KCTD1: variants seen among roughly 807,000 people sequenced by gnomAD.
KCTD1 encodes the protein BTB/POZ domain-containing protein KCTD1.
Under a neutral mutation model 66.0 loss-of-function variants are expected in KCTD1, and 24 were observed. That is an observed-to-expected ratio of 0.36 (90% confidence interval 0.26 to 0.51). The LOEUF (loss-of-function observed/expected upper bound fraction) is 0.51, where lower values mean the gene tolerates loss of function less well. KCTD1 is among the 20% of genes least tolerant of loss of function. KCTD1 has a pLI of 0.95. For missense variants in KCTD1, 943 were observed against 1,205.2 expected, an observed-to-expected ratio of 0.78 and a Z score of 3.22; for synonymous variants, 511 against 517.2, an observed-to-expected ratio of 0.99 and a Z score of 0.16.
At chr18:26,573,474 A>G (rs1240036330) in intron 1 of KCTD1, among the ~76,000 whole-genome samples, 2 of 152,244 alleles carry the variant, frequency 1.3e-5, no homozygotes, top group Non-Finnish European at 2.9e-5. Flanking sequence ...AGAGACAAAA[A>G]GGGCAAGTTG....
At chr18:26,509,696 C>G (rs1377424067) in intron 1 of KCTD1, among the ~76,000 whole-genome samples, 1 of 152,054 alleles carries the variant, frequency 6.6e-6, no homozygotes, top group Non-Finnish European at 1.5e-5. Context: ...CATCCCAAAA[C>G]AGTAAAGGAA....
rs553975546 is a variant in KCTD1 at position 26,555,896 on chromosome 18, T to C, written c.-15-54646A>G. The stretch of plus-strand genomic sequence containing the variant: ...TCGTATTTCAATATCTTCATGACAT[T>C]GAGAAAGTTTAAGGACCAGATTTTG... On this transcript the variant is annotated intron_variant, in intron 1 of 4. Transcript: ENST00000317932. Among the ~76,000 whole-genome samples the C allele has an allele frequency of 4.3e-4, 65 of 152,234 alleles. 1 individual carries two copies. The Middle Eastern group carries it at 0.014, about 32-fold the overall frequency.
chr18:26,511,190 T>C (rs1983310929), intron 1 of KCTD1, among the ~76,000 whole-genome samples: 1 of 152,226 alleles, frequency 6.6e-6, no homozygotes, highest in Admixed American at 6.5e-5. Context: ...AATACAAGAA[T>C]GGAACTAAAC....
intron 1 of KCTD1, among the ~76,000 whole-genome samples, chr18:26,557,081 CA>C (rs1334718383): frequency 1.3e-5 from 2 of 152,122 alleles, no homozygotes; most frequent in Non-Finnish European, 2.9e-5. Flanking sequence ...TCAATAAGCC[CA>C]AAATGGTCAA....
chr18:26,599,745 A>C (rs2144967014), intron 1 of KCTD1: 1 of 1,569,926 alleles, frequency 6.4e-7, no homozygotes, highest in Middle Eastern at 1.7e-4. Context: ...ACAGCATCTA[A>C]GCTGTGTTCA....
intron 1 of KCTD1, among the ~76,000 whole-genome samples, chr18:26,516,618 A>G (rs1983669819): frequency 6.6e-6 from 1 of 152,238 alleles, no homozygotes; most frequent in Admixed American, 6.5e-5. Flanking sequence ...ATCAGTTGAA[A>G]GCCTGCAGAT....
At chr18:26,504,176 C>T (rs12957766) in intron 1 of KCTD1, among the ~76,000 whole-genome samples, 53 of 152,052 alleles carry the variant, frequency 3.5e-4, no homozygotes, top group Non-Finnish European at 4.7e-4. Flanking sequence ...ATCAAGCGAT[C>T]CCCCCACCTC....
intron 3 of KCTD1, among the ~76,000 whole-genome samples, chr18:26,465,935 G>A (rs1980704919): frequency 6.6e-6 from 1 of 152,256 alleles, no homozygotes; most frequent in Admixed American, 6.5e-5. Context: ...CACGGATACA[G>A]CCTCGGTGGC....
chr18:26,554,543 A>G (rs1985660105), intron 1 of KCTD1, among the ~76,000 whole-genome samples: 3 of 152,220 alleles, frequency 2.0e-5, no homozygotes, highest in South Asian at 4.1e-4. Flanking sequence ...CACAAATTCA[A>G]CCAGACTAGA....
At chr18:26,558,041 T>A (rs1985749732) in intron 1 of KCTD1, among the ~76,000 whole-genome samples, 1 of 152,220 alleles carries the variant, frequency 6.6e-6, no homozygotes, top group South Asian at 2.1e-4. Context: ...TCCAGAGAGT[T>A]CTGGAGAGCT....
intron 1 of KCTD1, among the ~76,000 whole-genome samples, chr18:26,537,828 T>C (rs560836343): frequency 1.3e-5 from 2 of 152,348 alleles, no homozygotes; most frequent in East Asian, 3.9e-4. Context: ...TTTAATCTCT[T>C]TTGAAAAACT....
intron 1 of KCTD1, among the ~76,000 whole-genome samples, chr18:26,608,980 T>C (rs1484235525): frequency 6.6e-6 from 1 of 152,214 alleles, no homozygotes; most frequent in Non-Finnish European, 1.5e-5. Context: ...CTCAGTAAAT[T>C]ATGATGCTTG....
intron 1 of KCTD1, among the ~76,000 whole-genome samples, chr18:26,504,674 A>G (rs1450628481): frequency 6.6e-6 from 1 of 152,068 alleles, no homozygotes; most frequent in Non-Finnish European, 1.5e-5. Context: ...TACCTGATAT[A>G]TAAGAACTTT....
chr18:26,651,587 C>A (rs1988034611), intron 1 of KCTD1, among the ~76,000 whole-genome samples: 1 of 151,832 alleles, frequency 6.6e-6, no homozygotes, highest in African/African-American at 2.4e-5. Flanking sequence ...AGTTCGAGAC[C>A]AGCTTGGCCA....
chr18:26,656,589 C>T (rs2145091451), intron 1 of KCTD1, among the ~76,000 whole-genome samples: 1 of 150,592 alleles, frequency 6.6e-6, no homozygotes, highest in Non-Finnish European at 1.5e-5. Flanking sequence ...AGGGGAGCGG[C>T]GTGGTCCGGC....
intron 1 of KCTD1, among the ~76,000 whole-genome samples, chr18:26,541,322 G>A (rs1248788846): frequency 1.3e-5 from 2 of 152,158 alleles, no homozygotes; most frequent in African/African-American, 2.4e-5. Context: ...AGCACACTAC[G>A]TACATGCAGG....
chr18:26,556,754 T>A (rs1448794289), intron 1 of KCTD1, among the ~76,000 whole-genome samples: 1 of 152,176 alleles, frequency 6.6e-6, no homozygotes, highest in African/African-American at 2.4e-5. Flanking sequence ...AGAGCTTCAA[T>A]AACTTGCCCA....
chr18:26,534,579 A>G (rs1366285651), intron 1 of KCTD1, among the ~76,000 whole-genome samples: 1 of 152,186 alleles, frequency 6.6e-6, no homozygotes, highest in Non-Finnish European at 1.5e-5. Flanking sequence ...CTAACCTGTC[A>G]ATAATCTCTA....
At chr18:26,464,392 G>A (rs1446759748) in intron 3 of KCTD1, among the ~76,000 whole-genome samples, 1 of 152,090 alleles carries the variant, frequency 6.6e-6, no homozygotes, top group Non-Finnish European at 1.5e-5. Flanking sequence ...GATTATACAG[G>A]GCCCACCTGG....
Sources: allele counts gnomAD v4.1 joint callset (sites outside exome capture counted in the v4.1 genomes callset), GRCh38; gene constraint gnomAD v4.1.1; transcripts MANE v1.5; gene names NCBI Gene and HGNC (gene_info 2026-07-23, HGNC 2026-07-21).